LRP2: variants seen among roughly 807,000 people sequenced by gnomAD.
The protein encoded by LRP2 is LDL receptor related protein 2.
A neutral mutation model predicts 531.0 loss-of-function variants in LRP2; 172 were observed. The ratio of observed to expected loss-of-function variants is 0.32; its 90% CI spans 0.29 to 0.37. LRP2 has a LOEUF of 0.37. Among genes scored for constraint, LRP2 ranks in the 10% least tolerant of loss-of-function variants. The pLI, the probability that LRP2 is intolerant of heterozygous loss-of-function variation, is 1.00. For synonymous variants in LRP2, 1,992 were observed against 2,027.6 expected (o/e 0.98, Z 0.47); for missense variants, 5,167 against 5,868.3 (o/e 0.88, Z 3.90).
chr2:169,313,008 T>C (rs1217785395), intron 3 of LRP2, among the ~76,000 whole-genome samples: 1 of 152,246 alleles, frequency 6.6e-6, no homozygotes, highest in Admixed American at 6.5e-5. Flanking sequence ...CTATTGACGC[T>C]TGTGCATGCA....
chr2:169,329,157 T>C (rs1044213839), intron 1 of LRP2, among the ~76,000 whole-genome samples: 8 of 152,330 alleles, frequency 5.3e-5, no homozygotes, highest in Admixed American at 5.2e-4. Flanking sequence ...AGAGAAGTCT[T>C]CACAAAGAAT....
intron 3 of LRP2, among the ~76,000 whole-genome samples, chr2:169,313,098 A>G (rs1389515625): frequency 6.6e-6 from 1 of 152,112 alleles, no homozygotes; most frequent in Non-Finnish European, 1.5e-5. Flanking sequence ...CTAGTTAGCC[A>G]TTCATCTAAT....
chr2:169,156,611 A>G (rs1296458590), intron 64 of LRP2, among the ~76,000 whole-genome samples: 1 of 152,212 alleles, frequency 6.6e-6, no homozygotes, highest in Non-Finnish European at 1.5e-5. Context: ...TAGTCTTGCC[A>G]AAAGACTTTA....
intron 20 of LRP2, 34 bp downstream of exon 20, chr2:169,247,343 CA>C (rs752754038): frequency 6.2e-7 from 1 of 1,611,720 alleles, no homozygotes; most frequent in African/African-American, 1.3e-5. Flanking sequence ...TAAACCCATA[CA>C]AAAAAATAAA....
chr2:169,272,282 T>C (rs991503281), intron 15 of LRP2, among the ~76,000 whole-genome samples: 3 of 152,140 alleles, frequency 2.0e-5, no homozygotes, highest in Admixed American at 1.3e-4. Context: ...AATAGATGTG[T>C]AGGAAACCAA....
At position 169,292,319 on chromosome 2, in the gene LRP2, T is replaced by C; in HGVS notation, c.703A>G (p.Ile235Val). ...YQFTCPSGRC[I>V]YQNWVCDGED... is the part of the protein sequence containing the mutation. ...CCATCACAAACCCAGTTTTGATAAA[T>C]GCATCGGCCACTGGGGCAAGTGAAC... is the stretch of plus-strand genomic sequence containing the variant. Residue 235 changes from isoleucine to valine, a missense_variant, in exon 7 of 79, where the codon ATT becomes GTT. This residue lies in a region of LRP2 where 2,811 missense variants were observed against 3,058.0 expected (regional missense o/e 0.92). Coordinates refer to ENST00000649046, the MANE Select transcript of LRP2 (RefSeq NM_004525.3). 2 of 1,614,146 alleles carry C rather than the reference T, an allele frequency of 1.2e-6. No homozygotes were observed. The highest frequency in any genetic ancestry group is 1.7e-6 in the Non-Finnish European group (2 of 1,180,006).
chr2:169,316,499 G>A (rs1684767573), intron 3 of LRP2, among the ~76,000 whole-genome samples: 1 of 152,124 alleles, frequency 6.6e-6, no homozygotes, highest in Admixed American at 6.5e-5. Flanking sequence ...TTCTGCCAGT[G>A]CCTCATAGTG....
intron 3 of LRP2, among the ~76,000 whole-genome samples, chr2:169,309,788 GCA>G (rs1684540355): frequency 6.6e-6 from 1 of 152,118 alleles, no homozygotes. Context: ...GATGGGGATG[GCA>G]TTGAATCTAT....
chr2:169,339,467 A>C (rs1685504815), intron 1 of LRP2, among the ~76,000 whole-genome samples: 1 of 152,196 alleles, frequency 6.6e-6, no homozygotes, highest in Non-Finnish European at 1.5e-5. Context: ...TAGTGAAATA[A>C]ATTAACTCTT....
chr2:169,257,271 T>G (rs1362673511), intron 17 of LRP2, 22 bp from the exon 18 acceptor site: 4 of 1,610,950 alleles, frequency 2.5e-6, no homozygotes, highest in Non-Finnish European at 3.4e-6. Flanking sequence ...AGTAGTAAAT[T>G]AAGGCTGTTA....
chr2:169,193,523 A>T (rs1687903128), intron 47 of LRP2, among the ~76,000 whole-genome samples: 1 of 151,658 alleles, frequency 6.6e-6, no homozygotes. Context: ...GTAGGACATT[A>T]TGTCCATTAG....
At chr2:169,327,647 C>T (rs1214216343) in intron 1 of LRP2, among the ~76,000 whole-genome samples, 1 of 33,964 alleles carries the variant, frequency 2.9e-5, no homozygotes, top group Non-Finnish European at 6.0e-5. Context: ...CCACCCCGTC[C>T]GGGAGGGAGG....
chr2:169,145,613 T>G (rs1211009903), intron 70 of LRP2, 134 bp downstream of exon 70: 4 of 855,356 alleles, frequency 4.7e-6, no homozygotes, highest in Non-Finnish European at 7.7e-6. Context: ...CAAACGTACA[T>G]ACACATATAC....
chr2:169,307,257 G>A (rs1360941771), intron 4 of LRP2, 24 bp downstream of exon 4: 3 of 1,493,300 alleles, frequency 2.0e-6, no homozygotes, highest in Non-Finnish European at 2.8e-6. Flanking sequence ...ACCAAATACA[G>A]TGCAAGGACT....
At chr2:169,190,711 G>A (rs1421779998) in intron 48 of LRP2, among the ~76,000 whole-genome samples, 1 of 152,164 alleles carries the variant, frequency 6.6e-6, no homozygotes, top group Non-Finnish European at 1.5e-5. Flanking sequence ...ATCTCTTCAC[G>A]GCTCCAGTTG....
At chr2:169,199,043 G>T in intron 44 of LRP2, 132 bp from the exon 45 acceptor site, 1 of 851,416 alleles carries the variant, frequency 1.2e-6, no homozygotes, top group Non-Finnish European at 1.9e-6. Context: ...CCATCAGAAA[G>T]GCAGGATCCA....
chr2:169,210,754 AC>A (rs1688563585), intron 37 of LRP2, among the ~76,000 whole-genome samples: 1 of 152,236 alleles, frequency 6.6e-6, no homozygotes, highest in Non-Finnish European at 1.5e-5. Flanking sequence ...TGTGAGGCCA[AC>A]TGGAGAAATA....
intron 1 of LRP2, among the ~76,000 whole-genome samples, chr2:169,349,352 C>T (rs1349620219): frequency 2.6e-5 from 4 of 152,124 alleles, no homozygotes; most frequent in South Asian, 4.2e-4. Flanking sequence ...AAAAGGGGGG[C>T]AAGTGCAAAG....
chr2:169,318,706 A>T (rs1684832438), intron 3 of LRP2, 56 bp downstream of exon 3: 1 of 1,612,834 alleles, frequency 6.2e-7, no homozygotes, highest in Non-Finnish European at 8.5e-7. Context: ...TCTTTGCGAC[A>T]GGTTGGGTTT....
Sources: gnomAD v4.1 joint callset for allele counts (sites outside exome capture counted in the v4.1 genomes callset) on GRCh38, gnomAD v4.1.1 for gene constraint, gnomAD v4.1.1 regional missense constraint, MANE v1.5 for transcripts, NCBI Gene and HGNC (gene_info 2026-07-23, HGNC 2026-07-21) for gene names.